Variants in ZNF660 observed in about 807,000 individuals in gnomAD.
ZNF660 encodes zinc finger protein 660.
A neutral mutation model predicts 23.2 loss-of-function variants in ZNF660; 24 were observed. The ratio of observed to expected loss-of-function variants is 1.04; its 90% confidence interval spans 0.75 to 1.46. The LOEUF (loss-of-function observed/expected upper bound fraction) is 1.46. ZNF660 is among the 40% of genes most tolerant of loss of function. The probability of loss-of-function intolerance (pLI) is 0.00; values close to 1 mark genes in which losing one functional copy is unlikely to be tolerated. For missense variants in ZNF660, 373 were observed against 396.8 expected, an observed-to-expected ratio of 0.94 and a Z score of 0.51; for synonymous variants, 117 against 131.4, an observed-to-expected ratio of 0.89 and a Z score of 0.75.
At chr3:44,585,600 CAT>C (rs890060423) in intron 1 of ZNF660, among the ~76,000 whole-genome samples, 7 of 152,256 alleles carry the variant, frequency 4.6e-5, no homozygotes, top group Non-Finnish European at 7.4e-5. Flanking sequence ...AAACACAAAA[CAT>C]ATTTGAGGCT....
At position 44,599,517 on chromosome 3, in the gene ZNF660, T is replaced by A. The variant is rs1700728039; in HGVS notation, c.*4328T>A. 1 of 152,172 alleles carries A rather than the reference T, an allele frequency of 6.6e-6. No homozygotes were observed. The highest frequency in any genetic ancestry group is 1.5e-5 in the Non-Finnish European group (1 of 68,038). The allele number at this position is 152,172 out of a possible 1,614,324, so 9.4% of individuals were successfully genotyped here. A position where few individuals can be genotyped will look rare whatever the true frequency, so the allele number is the denominator to read the frequency against. The stretch of plus-strand genomic sequence containing the variant: ...TGCAGCTCTGTACCCTCAGCAGGAC[T>A]TCCTTTCTTGATTGTTTTTTCCATT... On this transcript the variant is annotated 3_prime_UTR_variant, in exon 3 of 3. Transcript: ENST00000322734.
At chr3:44,587,898 A>C (rs1401307496) in intron 2 of ZNF660, among the ~76,000 whole-genome samples, 1 of 152,156 alleles carries the variant, frequency 6.6e-6, no homozygotes, top group Admixed American at 6.6e-5. Flanking sequence ...TACTAAAAAT[A>C]CAAAAAATTA....
In ZNF660 at chr3:44,595,487, C is replaced by T. The variant is rs146079696; in HGVS notation, c.*298C>T. 0.01 allele frequency: 2,571 copies of T among 245,422 alleles called. 42 individuals carry two copies. Among genetic ancestry groups the T allele is most frequent in the Non-Finnish European group, 7.9e-3 (938 of 119,270 alleles). The allele number at this position is 245,422 out of a possible 1,614,324, so 15.2% of individuals were successfully genotyped here. ...GCCATGGGGAAATGATTGGATAAGACGGAAGATAATGACATACAATCCAAA... is the reference window on the plus strand; with the variant it reads ...GCCATGGGGAAATGATTGGATAAGATGGAAGATAATGACATACAATCCAAA... On this transcript the variant is annotated 3_prime_UTR_variant, in exon 3 of 3. Coordinates refer to ENST00000322734, the MANE Select transcript of ZNF660 (RefSeq NM_173658.4).
chr3:44,591,971 C>T (rs568471324), intron 2 of ZNF660, among the ~76,000 whole-genome samples: 12 of 152,102 alleles, frequency 7.9e-5, no homozygotes, highest in Non-Finnish European at 1.8e-4. Context: ...GCACTCTAGC[C>T]TGGGCAACAG....
rs149936636 is a variant in ZNF660, at chr3:44,594,645, C to G, written c.452C>G (p.Ser151Ter). ...KAFSRSSGLI[S>*]HHRVHTGEKP... ...TTTAGTCGGAGTTCGGGCCTTATAT[C>G]ACATCACAGAGTTCACACCGGAGAG... Residue 151 changes from serine to a stop codon, truncating the protein, a stop_gained, in exon 3 of 3, where the codon TCA becomes TGA. Coordinates refer to ENST00000322734, the MANE Select transcript of ZNF660 (RefSeq NM_173658.4). LOFTEE classifies it high-confidence loss of function. The G allele has an allele frequency of 8.7e-6, 14 of 1,613,224 alleles. No homozygotes were observed. The highest frequency in any genetic ancestry group is 1.1e-5 in the Non-Finnish European group (13 of 1,179,828).
chr3:44,590,812 C>A (rs1017329583), intron 2 of ZNF660, among the ~76,000 whole-genome samples: 5 of 152,114 alleles, frequency 3.3e-5, no homozygotes, highest in Non-Finnish European at 7.4e-5. Context: ...CATTGCAGTC[C>A]CCTGGCTTTG....
At chr3:44,593,871 C>T in intron 2 of ZNF660, 143 bp from the exon 3 acceptor site, 1 of 408,584 alleles carries the variant, frequency 2.4e-6, no homozygotes, top group South Asian at 2.0e-5. Context: ...TGTTTAACTT[C>T]ATTTTTGTCA....
rs57347534 is a variant in ZNF660, at chr3:44,598,142, CTTT to C, written c.*2967_*2969del. Reference sequence around the variant, plus strand: ...CTTTTTCTTTCTTTTCTTTTCTTTTCTTTTTTTTTTTTTTTTGAGATGGAATCT... The same window carrying C: ...CTTTTTCTTTCTTTTCTTTTCTTTTCTTTTTTTTTTTTTGAGATGGAATCT... On this transcript the variant is annotated 3_prime_UTR_variant, in exon 3 of 3. Transcript: ENST00000322734. The C allele has an allele frequency of 2.3e-3, 224 of 97,260 alleles. 1 individual carries two copies. The East Asian group carries it at 0.044, about 19-fold the overall frequency. The allele number at this position is 97,260 out of a possible 1,614,324, so 6.0% of individuals were successfully genotyped here.
Position 44,596,487 on chromosome 3 carries a change from A to T in ZNF660, c.*1298A>T, listed in dbSNP as rs1700613891. 1 of 152,224 alleles carries T rather than the reference A, an allele frequency of 6.6e-6. No homozygotes were observed. Among genetic ancestry groups the T allele is most frequent in the Admixed American group, 6.5e-5 (1 of 15,288 alleles). 9.4% of individuals were successfully genotyped at this position (152,224 alleles called of 1,614,324 possible). The stretch of plus-strand genomic sequence containing the variant: ...AAGGTAGTACTTAGGATATTTTCAG[A>T]TGTATTGAACAGAATACCAAGTACT... On this transcript the variant is annotated 3_prime_UTR_variant, in exon 3 of 3. Coordinates refer to ENST00000322734, the MANE Select transcript of ZNF660 (RefSeq NM_173658.4).
intron 2 of ZNF660, among the ~76,000 whole-genome samples, chr3:44,592,686 C>G (rs761266813): frequency 6.6e-6 from 1 of 152,204 alleles, no homozygotes; most frequent in Non-Finnish European, 1.5e-5. Flanking sequence ...CTCTCAGACT[C>G]ACCCCTTAAG....
At chr3:44,592,406 T>C (rs950559572) in intron 2 of ZNF660, among the ~76,000 whole-genome samples, 3 of 152,226 alleles carry the variant, frequency 2.0e-5, no homozygotes, top group Non-Finnish European at 2.9e-5. Flanking sequence ...AGTCATGTGT[T>C]AGTATCATGT....
chr3:44,596,146 T>C lies in ZNF660; in HGVS notation c.*957T>C, dbSNP rs1205421807. On this transcript the variant is annotated 3_prime_UTR_variant, in exon 3 of 3. Transcript: ENST00000322734. ...TTAATATAAAACTAGTGGGAGACTCTGCCTTCACATGGTATATAGAGTTTA... is the reference window on the plus strand; with the variant it reads ...TTAATATAAAACTAGTGGGAGACTCCGCCTTCACATGGTATATAGAGTTTA... 1 of 163,290 alleles carries C rather than the reference T, an allele frequency of 6.1e-6. No homozygotes were observed. Among genetic ancestry groups the C allele is most frequent in the Non-Finnish European group, 1.5e-5 (1 of 68,110 alleles). 10.1% of individuals were successfully genotyped at this position (163,290 alleles called of 1,614,324 possible). A position where few individuals can be genotyped will look rare whatever the true frequency, so the allele number is the denominator to read the frequency against.
In ZNF660 at chr3:44,594,857, G is replaced by A. The variant is rs1700559178; in HGVS notation, c.664G>A (p.Glu222Lys). The A allele has an allele frequency of 5.6e-6, 9 of 1,614,146 alleles. No homozygotes were observed. The highest frequency in any genetic ancestry group is 7.6e-6 in the Non-Finnish European group (9 of 1,180,042). Residue 222 changes from glutamate to lysine, a missense_variant, in exon 3 of 3, where the codon GAG becomes AAG. Glu to Lys is a moderately conservative substitution (Grantham distance 56). Transcript: ENST00000322734. ...TGGAGAGAAGCCTTATGAATGTGAT[G>A]AGTGTGGAAAAACTTTCATCTTAAG... ...HTGEKPYECD[E>K]CGKTFILRKT...
In ZNF660 at chr3:44,595,109, G is replaced by C; in HGVS notation, c.916G>C (p.Glu306Gln). The C allele has an allele frequency of 6.2e-7, 1 of 1,613,984 alleles. No homozygotes were observed. The highest frequency in any genetic ancestry group is 8.5e-7 in the Non-Finnish European group (1 of 1,179,958). Residue 306 changes from glutamate (E) to glutamine (Q), a missense_variant, in exon 3 of 3, where the codon GAG becomes CAG. Physicochemically the swap from Glu to Gln is conservative, Grantham distance 29. Transcript: ENST00000322734. ...TAAGGAGAAACCCTATAAATGTAGT[G>C]AGTGTGGGAAAGCCTATCGGTATAG... ...HTKEKPYKCS[E>Q]CGKAYRYSSQ...
chr3:44,597,551 C>T lies in ZNF660; in HGVS notation c.*2362C>T, dbSNP rs373494596. The T allele has an allele frequency of 4.2e-4, 64 of 152,258 alleles. 1 individual carries two copies. The East Asian group carries it at 0.012, about 28-fold the overall frequency. The allele number at this position is 152,258 out of a possible 1,614,324, so 9.4% of individuals were successfully genotyped here. ...TATAATAGTCCTTTGCATGGTCATT[C>T]CAAGCAGGGTTTGGAAGGCCTGGAA... On this transcript the variant is annotated 3_prime_UTR_variant, in exon 3 of 3. Transcript: ENST00000322734. This position sits in a 1 kb window ranked among gnomAD's most constrained non-coding sequence, Gnocchi z 4.1.
rs961244824 is a variant in ZNF660 at position 44,596,421 on chromosome 3, C to T, written c.*1232C>T. 1 of 152,156 alleles carries T rather than the reference C, an allele frequency of 6.6e-6. No homozygotes were observed. Among genetic ancestry groups the T allele is most frequent in the African/African-American group, 2.4e-5 (1 of 41,438 alleles). The allele number at this position is 152,156 out of a possible 1,614,324, so 9.4% of individuals were successfully genotyped here. A position where few individuals can be genotyped will look rare whatever the true frequency, so the allele number is the denominator to read the frequency against. On this transcript the variant is annotated 3_prime_UTR_variant, in exon 3 of 3. Transcript: ENST00000322734. ...AGTATAGGACATTGTAGCAGTGTTT[C>T]TAAACACTTTAGGGAGAGTGATTAA...
In ZNF660 at chr3:44,596,942, G is replaced by A. The variant is rs1700627890; in HGVS notation, c.*1753G>A. 6.6e-6 allele frequency: 1 copy of A among 152,212 alleles called. No homozygotes were observed. The highest frequency in any genetic ancestry group is 1.5e-5 in the Non-Finnish European group (1 of 68,050). 9.4% of individuals were successfully genotyped at this position (152,212 alleles called of 1,614,324 possible). A position where few individuals can be genotyped will look rare whatever the true frequency, so the allele number is the denominator to read the frequency against. On this transcript the variant is annotated 3_prime_UTR_variant, in exon 3 of 3. Transcript: ENST00000322734. ...TAAGTGCTTAGCTCAAAGTCACTCT[G>A]AAACACTTAGAATCTCCCTATTTTT...
chr3:44,595,290 T>A lies in ZNF660; in HGVS notation c.*101T>A. ...ACTTCTAAGAATCATACTCTACTTC[T>A]AAGAAAATAATTAGAAGTAGACAAA... On this transcript the variant is annotated 3_prime_UTR_variant, in exon 3 of 3. Coordinates refer to ENST00000322734, the MANE Select transcript of ZNF660 (RefSeq NM_173658.4). 1 of 1,309,776 alleles carries A rather than the reference T, an allele frequency of 7.6e-7. No homozygotes were observed. Among genetic ancestry groups the A allele is most frequent in the African/African-American group, 1.5e-5 (1 of 67,134 alleles). 81.1% of individuals were successfully genotyped at this position (1,309,776 alleles called of 1,614,324 possible).
intron 2 of ZNF660, among the ~76,000 whole-genome samples, chr3:44,588,502 G>T (rs1700304100): frequency 6.6e-6 from 1 of 151,914 alleles, no homozygotes; most frequent in African/African-American, 2.4e-5. Context: ...AAGCTTATCT[G>T]TTTTTTTATT....
Sources: allele counts gnomAD v4.1 joint callset (sites outside exome capture counted in the v4.1 genomes callset), GRCh38; gene constraint gnomAD v4.1.1; non-coding constraint Gnocchi (gnomAD v3.1); transcripts MANE v1.5; gene names NCBI Gene and HGNC (gene_info 2026-07-23, HGNC 2026-07-21).